The following EYS variants were observed in gnomAD, a reference collection of about 807,000 sequenced individuals.
The protein encoded by EYS is EGF-like photoreceptor maintenance factor, also known as protein eyes shut homolog.
A neutral mutation model predicts 282.1 loss-of-function variants in EYS; 250 were observed. The ratio of observed to expected loss-of-function variants is 0.89; its 90% CI spans 0.80 to 0.98. The LOEUF is 0.98. Among genes scored for constraint, EYS ranks in the 50% least tolerant of loss-of-function variants. The probability of loss-of-function intolerance (pLI) is 0.00; values close to 1 mark genes in which losing one functional copy is unlikely to be tolerated. For synonymous variants in EYS, 1,355 were observed against 1,282.9 expected (o/e 1.06, Z -1.20); for missense variants, 4,016 against 3,709.0 (o/e 1.08, Z -2.15).
At chr6:64,176,982 T>A (rs1199496671) in intron 31 of EYS, among the ~76,000 whole-genome samples, 3 of 150,060 alleles carry the variant, frequency 2.0e-5, no homozygotes. Flanking sequence ...TTTTGAAAAT[T>A]CTCCCTCCTT....
chr6:65,421,402 T>A (rs1023998326), intron 5 of EYS, among the ~76,000 whole-genome samples: 7 of 151,922 alleles, frequency 4.6e-5, no homozygotes, highest in African/African-American at 1.7e-4. Context: ...GCTAGAGTCT[T>A]GCTCTGGATT....
intron 1 of EYS, among the ~76,000 whole-genome samples, chr6:65,700,114 C>CAAAAAAAAAAAAAAAAA (rs1178482636): frequency 1.2e-4 from 6 of 51,792 alleles, no homozygotes; most frequent in Non-Finnish European, 1.5e-4. Context: ...GACTCCGTCT[C>CAAAAAAAAAAAAAAAAA]AAAAAAAAAA....
intron 2 of EYS, among the ~76,000 whole-genome samples, chr6:65,604,712 A>G (rs1247636717): frequency 6.6e-6 from 1 of 152,018 alleles, no homozygotes; most frequent in Non-Finnish European, 1.5e-5. Flanking sequence ...AAAATAAGGT[A>G]GAATAATGTA....
At chr6:64,397,985 G>T (rs1258775633) in intron 28 of EYS, among the ~76,000 whole-genome samples, 1 of 151,072 alleles carries the variant, frequency 6.6e-6, no homozygotes, top group Non-Finnish European at 1.5e-5. Context: ...ATTTAGAATT[G>T]CATTGTCAAA....
intron 12 of EYS, among the ~76,000 whole-genome samples, chr6:65,215,706 C>T (rs573995253): frequency 5.9e-5 from 9 of 152,164 alleles, no homozygotes; most frequent in South Asian, 4.2e-4. Context: ...AACTGTGCAC[C>T]GATGTGGTAA....
intron 12 of EYS, among the ~76,000 whole-genome samples, chr6:65,278,061 T>TCTTTTCTTTTCTTTTCTTTTC (rs1768104775): frequency 4.3e-5 from 6 of 138,852 alleles, no homozygotes; most frequent in Admixed American, 1.5e-4. Context: ...TCTTTTCTTT[T>TCTTTTCTTTTCTTTTCTTTTC]TTTCTGCCTT....
chr6:64,267,229 A>C (rs886623192), intron 30 of EYS, among the ~76,000 whole-genome samples: 3 of 152,142 alleles, frequency 2.0e-5, no homozygotes, highest in Non-Finnish European at 4.4e-5. Context: ...CCCAATGCTC[A>C]AAGAGATCTG....
intron 11 of EYS, among the ~76,000 whole-genome samples, chr6:65,311,086 A>T (rs1769144546): frequency 6.6e-6 from 1 of 152,132 alleles, no homozygotes; most frequent in Admixed American, 6.6e-5. Flanking sequence ...AGGGAATAAA[A>T]GAAAATAAGT....
At chr6:64,619,479 C>T (rs187567001) in intron 23 of EYS, among the ~76,000 whole-genome samples, 12 of 151,076 alleles carry the variant, frequency 7.9e-5, no homozygotes, top group African/African-American at 2.9e-4. Context: ...GCCAGGTGAG[C>T]TAACAGAAAA....
chr6:65,078,123 T>G (rs1442320056), intron 12 of EYS, among the ~76,000 whole-genome samples: 1 of 152,120 alleles, frequency 6.6e-6, no homozygotes, highest in Non-Finnish European at 1.5e-5. Context: ...TGTGGTGTGT[T>G]ATTGTAAGAT....
At chr6:64,692,316 A>G (rs1477589107) in intron 22 of EYS, among the ~76,000 whole-genome samples, 4 of 152,104 alleles carry the variant, frequency 2.6e-5, no homozygotes, top group Non-Finnish European at 5.9e-5. Flanking sequence ...GTGTCTGTTC[A>G]TGTCCTTTGC....
intron 26 of EYS, among the ~76,000 whole-genome samples, chr6:64,573,477 C>A (rs1440943461): frequency 6.6e-6 from 1 of 152,140 alleles, no homozygotes; most frequent in African/African-American, 2.4e-5. Flanking sequence ...AAACTATCAT[C>A]AGAGTGAACA....
At chr6:64,134,035 G>A (rs1774080083) in intron 31 of EYS, among the ~76,000 whole-genome samples, 1 of 152,034 alleles carries the variant, frequency 6.6e-6, no homozygotes. Flanking sequence ...AAGGAAGTGT[G>A]TGCTGTGGAT....
chr6:65,020,376 C>T lies in EYS; in HGVS notation c.2138-22673G>A, dbSNP rs375547036. On this transcript the variant is annotated intron_variant, in intron 13 of 42. Transcript: ENST00000503581. The stretch of plus-strand genomic sequence containing the variant: ...GGAGAAATTAACCAAAACATAGAGG[C>T]CACAGGCCCCATGGAAGTCTGAAAT... 7.2e-5 allele frequency among the ~76,000 whole-genome samples: 11 copies of T among 152,230 alleles called. No individual in the cohort carries two copies. In the East Asian group the frequency reaches 1.7e-3, roughly 24 times the overall value.
chr6:65,218,549 C>T (rs537690), intron 12 of EYS, among the ~76,000 whole-genome samples: 3,280 of 152,132 alleles, frequency 0.022, 109 homozygotes, highest in African/African-American at 0.075. Context: ...CAAATATTTT[C>T]ACTCATTGGG....
chr6:64,289,481 G>A (rs1304986116), intron 30 of EYS, among the ~76,000 whole-genome samples: 1 of 152,012 alleles, frequency 6.6e-6, no homozygotes, highest in Non-Finnish European at 1.5e-5. Flanking sequence ...CATCCTATGA[G>A]AAGGCTCTAC....
At chr6:65,177,161 A>G (rs1032898703) in intron 12 of EYS, among the ~76,000 whole-genome samples, 19 of 151,822 alleles carry the variant, frequency 1.3e-4, no homozygotes, top group African/African-American at 4.6e-4. Context: ...AAACAAGACT[A>G]TATTCAAAAA....
intron 1 of EYS, among the ~76,000 whole-genome samples, chr6:65,678,693 T>G (rs1034673401): frequency 3.3e-5 from 5 of 151,666 alleles, no homozygotes; most frequent in African/African-American, 9.7e-5. Flanking sequence ...AAACAATATT[T>G]GCAAACCATA....
intron 12 of EYS, among the ~76,000 whole-genome samples, chr6:65,176,906 T>C (rs942769479): frequency 6.6e-5 from 10 of 151,722 alleles, no homozygotes; most frequent in African/African-American, 2.2e-4. Context: ...TCCTTCATAA[T>C]TGTGAAATAA....
Sources: allele counts gnomAD v4.1 joint callset (sites outside exome capture counted in the v4.1 genomes callset), GRCh38; gene constraint gnomAD v4.1.1; transcripts MANE v1.5; gene names NCBI Gene and HGNC (gene_info 2026-07-23, HGNC 2026-07-21).